PAK2: variants seen among roughly 807,000 people sequenced by gnomAD.
The protein encoded by PAK2 is serine/threonine-protein kinase PAK 2.
In PAK2, 21 loss-of-function variants were observed where a neutral mutation model predicts 65.9. The ratio of observed to expected loss-of-function variants is 0.32; its 90% CI spans 0.23 to 0.46. The LOEUF is 0.46. Ranked by LOEUF, PAK2 falls within the 20% of genes least tolerant of loss-of-function variation. The pLI, the probability that PAK2 is intolerant of heterozygous loss-of-function variation, is 1.00. For missense variants in PAK2, 324 were observed against 642.6 expected, an observed-to-expected ratio of 0.50 and a Z score of 5.36; for synonymous variants, 204 against 219.7, an observed-to-expected ratio of 0.93 and a Z score of 0.63.
At chr3:196,788,819 C>T (rs1714977431) in intron 2 of PAK2, among the ~76,000 whole-genome samples, 1 of 152,186 alleles carries the variant, frequency 6.6e-6, no homozygotes, top group Non-Finnish European at 1.5e-5. Context: ...GATCAGAGCA[C>T]ATCCATGGAG....
intron 13 of PAK2, among the ~76,000 whole-genome samples, chr3:196,826,033 G>A (rs1213227105): frequency 6.7e-6 from 1 of 149,240 alleles, no homozygotes; most frequent in Non-Finnish European, 1.5e-5. Context: ...TGTATTTTTA[G>A]TAGCGATGGG....
intron 8 of PAK2, among the ~76,000 whole-genome samples, chr3:196,810,990 G>A (rs1715764643): frequency 6.6e-6 from 1 of 151,950 alleles, no homozygotes; most frequent in South Asian, 2.1e-4. Flanking sequence ...TTTAAATCAT[G>A]TCATTGTGTA....
chr3:196,804,840 TATATACACACACACATATAC>T (rs1560110424), intron 4 of PAK2, among the ~76,000 whole-genome samples: 2 of 150,742 alleles, frequency 1.3e-5, no homozygotes, highest in African/African-American at 2.4e-5. Flanking sequence ...TATATATATA[TATATACACACACACATATAC>T]ACACACACAC....
intron 1 of PAK2, among the ~76,000 whole-genome samples, chr3:196,753,601 A>G (rs1178261552): frequency 6.6e-6 from 1 of 152,216 alleles, no homozygotes; most frequent in African/African-American, 2.4e-5. Flanking sequence ...TTACATTTAA[A>G]TTCATTAGTC....
intron 13 of PAK2, among the ~76,000 whole-genome samples, chr3:196,822,566 T>A (rs866160005): frequency 2.0e-5 from 3 of 152,080 alleles, no homozygotes; most frequent in Admixed American, 6.5e-5. Context: ...AGTGTGTGCC[T>A]GTAGTCACAG....
chr3:196,824,675 T>C (rs1291052908), intron 13 of PAK2, among the ~76,000 whole-genome samples: 1 of 152,022 alleles, frequency 6.6e-6, no homozygotes, highest in African/African-American at 2.4e-5. Context: ...CTGGAGAGCA[T>C]TCATTTGTCA....
chr3:196,771,340 ATAT>A (rs1438353177), intron 1 of PAK2, among the ~76,000 whole-genome samples: 1 of 151,876 alleles, frequency 6.6e-6, no homozygotes, highest in African/African-American at 2.4e-5. Context: ...TTTGTCTTTG[ATAT>A]TATTAATATC....
chr3:196,815,620 C>T (rs539265121), intron 11 of PAK2, among the ~76,000 whole-genome samples: 1 of 152,010 alleles, frequency 6.6e-6, no homozygotes, highest in South Asian at 2.1e-4. Context: ...AACCCCGTCT[C>T]TACTAAAAAT....
Position 196,821,000 on chromosome 3 carries a change from C to T in PAK2, c.1350+433C>T, listed in dbSNP as rs1367618361. ...GACTATGGGTGCGTGCCACCACACCCAGCTGATTTTTGTACTTTTCATAGA... is the reference window on the plus strand; with the variant it reads ...GACTATGGGTGCGTGCCACCACACCTAGCTGATTTTTGTACTTTTCATAGA... On this transcript the variant is annotated intron_variant, in intron 13 of 14. Coordinates refer to ENST00000327134, the MANE Select transcript of PAK2 (RefSeq NM_002577.4). This position sits in a 1 kb window ranked among gnomAD's most constrained non-coding sequence, Gnocchi z 4.6. Among the ~76,000 whole-genome samples the T allele has an allele frequency of 6.6e-6, 1 of 152,104 alleles. No individual in the cohort carries two copies.
At chr3:196,761,268 A>G (rs1713952622) in intron 1 of PAK2, among the ~76,000 whole-genome samples, 1 of 114,958 alleles carries the variant, frequency 8.7e-6, no homozygotes, top group African/African-American at 3.4e-5. Context: ...CAAGTGAACA[A>G]AGGTCTCTGG....
rs114032746 is a variant in PAK2 at position 196,814,739 on chromosome 3, C to G, written c.1053+171C>G. ...ATTTCATCCTACACAGGAGTTTCAGCCCTTTCCTTCAGGTATAAGATAATT... is the reference window on the plus strand; with the variant it reads ...ATTTCATCCTACACAGGAGTTTCAGGCCTTTCCTTCAGGTATAAGATAATT... On this transcript the variant is annotated intron_variant, in intron 11 of 14. Transcript: ENST00000327134. 2.1e-3 allele frequency among the ~76,000 whole-genome samples: 320 copies of G among 152,218 alleles called. 1 individual carries two copies. Among genetic ancestry groups the G allele is most frequent in the South Asian group, 5.4e-3 (26 of 4,824 alleles).
chr3:196,751,663 T>TTTTATATATATATATATATATATATA lies in PAK2; in HGVS notation c.-22+11507_-22+11508insTTATATATATATATATATATATATAT, dbSNP rs1491521540. On this transcript the variant is annotated intron_variant, in intron 1 of 14. Coordinates refer to ENST00000327134, the MANE Select transcript of PAK2 (RefSeq NM_002577.4). ...CTGTCCCCCCAAAAAACACACAAAT[T>TTTTATATATATATATATATATATATA]TATTTATATACATATATATATATAT... Among the ~76,000 whole-genome samples, 21 of 45,718 alleles carry TTTTATATATATATATATATATATATA rather than the reference T, an allele frequency of 4.6e-4. 1 individual carries two copies. Among genetic ancestry groups the TTTTATATATATATATATATATATATA allele is most frequent in the African/African-American group, 2.3e-3 (20 of 8,774 alleles). The allele number at this position is 45,718 out of a possible 152,430, so 30.0% of individuals were successfully genotyped here.
At position 196,832,035 on chromosome 3, in the gene PAK2, G is replaced by A. The variant is rs1206080659; in HGVS notation, c.*3630G>A. ...AGTCAACACATTGATTGAACACTCT[G>A]GCAAAGATGCTGTGGTGGATGAGGT... On this transcript the variant is annotated 3_prime_UTR_variant, in exon 15 of 15. Transcript: ENST00000327134. The A allele has an allele frequency of 6.6e-6, 1 of 152,164 alleles. No homozygotes were observed. The highest frequency in any genetic ancestry group is 2.4e-5 in the African/African-American group (1 of 41,432). 9.4% of individuals were successfully genotyped at this position (152,164 alleles called of 1,614,324 possible). A position where few individuals can be genotyped will look rare whatever the true frequency, so the allele number is the denominator to read the frequency against.
At chr3:196,777,579 T>C (rs1226073752) in intron 1 of PAK2, among the ~76,000 whole-genome samples, 1 of 152,202 alleles carries the variant, frequency 6.6e-6, no homozygotes, top group Non-Finnish European at 1.5e-5. Context: ...TTTGGACTCT[T>C]CATTAATGTT....
chr3:196,785,036 ATCT>A (rs1232888254), intron 2 of PAK2: 12 of 152,304 alleles, frequency 7.9e-5, no homozygotes, highest in Non-Finnish European at 8.8e-5. Context: ...GGCCATGCTA[ATCT>A]TCTCTGTATC....
intron 1 of PAK2, among the ~76,000 whole-genome samples, chr3:196,770,788 A>G (rs1328274751): frequency 2.4e-4 from 37 of 151,466 alleles, no homozygotes; most frequent in Admixed American, 2.4e-3. Context: ...ACGCCCGACT[A>G]ATTTTTGCAT....
intron 1 of PAK2, among the ~76,000 whole-genome samples, chr3:196,778,806 G>A (rs764833957): frequency 1.3e-5 from 2 of 152,140 alleles, no homozygotes; most frequent in Non-Finnish European, 2.9e-5. Context: ...GGAATGTAGT[G>A]GTCAGGAGTT....
At chr3:196,792,524 A>G (rs1428557548) in intron 2 of PAK2, among the ~76,000 whole-genome samples, 1 of 152,216 alleles carries the variant, frequency 6.6e-6, no homozygotes, top group African/African-American at 2.4e-5. Flanking sequence ...CTTTTAAGTT[A>G]CATGCCTAGA....
chr3:196,812,811 A>G lies in PAK2; in HGVS notation c.895A>G (p.Lys299Glu), dbSNP rs975493944. Residue 299 changes from lysine (K) to glutamate (E), a missense_variant, in exon 10 of 15, where the codon AAA (lysine) becomes GAA (glutamate). Lys to Glu is a moderately conservative substitution (Grantham distance 56). Coordinates refer to ENST00000327134, the MANE Select transcript of PAK2 (RefSeq NM_002577.4). Reference sequence around the variant, plus strand: ...GATCATTAACGAGATTCTGGTGATGAAAGAATTGAAAAATCCCAACATCGT... The same window carrying G: ...GATCATTAACGAGATTCTGGTGATGGAAGAATTGAAAAATCCCAACATCGT... ...ELIINEILVM[K>E]ELKNPNIVNF... The G allele has an allele frequency of 6.4e-7, 1 of 1,563,986 alleles. No homozygotes were observed. The highest frequency in any genetic ancestry group is 8.8e-7 in the Non-Finnish European group (1 of 1,134,932).
Sources: allele counts gnomAD v4.1 joint callset (sites outside exome capture counted in the v4.1 genomes callset), GRCh38; gene constraint gnomAD v4.1.1; non-coding constraint Gnocchi (gnomAD v3.1); transcripts MANE v1.5; gene names NCBI Gene and HGNC (gene_info 2026-07-23, HGNC 2026-07-21).